Variants in RGS6 observed in about 807,000 individuals in gnomAD.
RGS6 encodes the protein regulator of G-protein signaling 6.
A neutral mutation model predicts 78.5 loss-of-function variants in RGS6; 30 were observed. The observed-to-expected ratio is 0.38, with a 90% CI of 0.29 to 0.52. RGS6 has a LOEUF of 0.52. Ranked by LOEUF, RGS6 falls within the 20% of genes least tolerant of loss-of-function variation. The pLI, the probability that RGS6 is intolerant of heterozygous loss-of-function variation, is 0.85. For synonymous variants in RGS6, 206 were observed against 206.0 expected, an observed-to-expected ratio of 1.00 and a Z score of 0.00; for missense variants, 495 against 609.7, an observed-to-expected ratio of 0.81 and a Z score of 1.98.
chr14:71,879,881 G>A, the RGS6 span, among the ~76,000 whole-genome samples: 3 of 152,230 alleles, frequency 2.0e-5, no homozygotes, highest in Admixed American at 1.3e-4. Context: ...TTGGAACTGG[G>A]TAACAGGCAG....
intron 2 of RGS6, among the ~76,000 whole-genome samples, chr14:72,331,088 G>A (rs1013446797): frequency 3.9e-5 from 6 of 152,090 alleles, no homozygotes; most frequent in African/African-American, 7.2e-5. Flanking sequence ...AGCAGATTCC[G>A]CCAGGATTCT....
intron 2 of RGS6, among the ~76,000 whole-genome samples, chr14:72,306,456 A>G (rs57060090): frequency 0.053 from 8,070 of 152,314 alleles, 635 homozygotes; most frequent in African/African-American, 0.18. Flanking sequence ...CCCATAGATA[A>G]GGATTCCTCT....
At chr14:72,617,068 C>A in the RGS6 span, among the ~76,000 whole-genome samples, 2,044 of 152,304 alleles carry the variant, frequency 0.013, 51 homozygotes, top group African/African-American at 0.046. Context: ...CAGTGCCCTG[C>A]CTTGGCCTGG....
At chr14:72,045,911 C>T (rs962913945) in intron 2 of RGS6, among the ~76,000 whole-genome samples, 1 of 151,986 alleles carries the variant, frequency 6.6e-6, no homozygotes, top group African/African-American at 2.4e-5. Flanking sequence ...CCCCACGCCC[C>T]CGCACCCCGC....
chr14:72,610,365 C>T, the RGS6 span, among the ~76,000 whole-genome samples: 1 of 152,316 alleles, frequency 6.6e-6, no homozygotes, highest in African/African-American at 2.4e-5. Context: ...ATAGGAGCCA[C>T]CTGCCAAAGC....
intron 2 of RGS6, among the ~76,000 whole-genome samples, chr14:71,979,913 A>T (rs1237427687): frequency 1.3e-4 from 18 of 141,708 alleles, no homozygotes; most frequent in African/African-American, 4.7e-4. Flanking sequence ...TTTGTAGGTC[A>T]CTCAGGACTT....
chr14:72,011,358 T>C (rs8017353), intron 2 of RGS6, among the ~76,000 whole-genome samples: 137,882 of 152,258 alleles, frequency 0.91, 62,661 homozygotes, highest in East Asian at 0.98. Context: ...AATTGTGGCC[T>C]CATGATGGCA....
At chr14:72,462,349 TAGA>T (rs976704216) in intron 6 of RGS6, among the ~76,000 whole-genome samples, 61 of 152,210 alleles carry the variant, frequency 4.0e-4, no homozygotes, top group African/African-American at 1.4e-3. Context: ...GGCAGTCAAG[TAGA>T]GACATTTAGA....
At chr14:71,998,793 G>A (rs183147639) in intron 2 of RGS6, among the ~76,000 whole-genome samples, 2 of 152,288 alleles carry the variant, frequency 1.3e-5, no homozygotes, top group Admixed American at 1.3e-4. Flanking sequence ...CTAGAGAAGG[G>A]GTCTTATTTT....
chr14:71,933,994 C>T (rs1047301797), intron 1 of RGS6, among the ~76,000 whole-genome samples: 3 of 152,150 alleles, frequency 2.0e-5, no homozygotes, highest in African/African-American at 4.8e-5. Flanking sequence ...GTTGACAACA[C>T]GGCTCTTACA....
chr14:72,550,306 C>T (rs1220857645), intron 17 of RGS6: 9 of 682,540 alleles, frequency 1.3e-5, no homozygotes, highest in Non-Finnish European at 2.4e-5. Flanking sequence ...CAGTTGGTGC[C>T]TAGGTATAAG....
intron 5 of RGS6, among the ~76,000 whole-genome samples, chr14:72,459,420 T>A (rs2095716819): frequency 6.6e-6 from 1 of 152,242 alleles, no homozygotes; most frequent in African/African-American, 2.4e-5. Context: ...CATTTTTGCA[T>A]TTGTTTTGCT....
chr14:72,474,576 A>C, intron 9 of RGS6, 49 bp from the exon 10 acceptor site: 1 of 1,523,894 alleles, frequency 6.6e-7, no homozygotes, highest in Non-Finnish European at 9.0e-7. Context: ...CTAAATTGGA[A>C]GTGTAATTTT....
At chr14:71,963,907 C>G (rs2093358043) in intron 1 of RGS6, among the ~76,000 whole-genome samples, 1 of 152,136 alleles carries the variant, frequency 6.6e-6, no homozygotes, top group South Asian at 2.1e-4. Flanking sequence ...TATGGTAATT[C>G]TGTGTTCAAC....
At chr14:72,482,056 C>G (rs184851974) in intron 12 of RGS6, among the ~76,000 whole-genome samples, 3 of 152,050 alleles carry the variant, frequency 2.0e-5, no homozygotes, top group Admixed American at 6.5e-5. Flanking sequence ...GTGATCCGCC[C>G]GCCTCGGCCT....
At chr14:72,385,896 G>T (rs150703643) in intron 3 of RGS6, among the ~76,000 whole-genome samples, 1 of 152,140 alleles carries the variant, frequency 6.6e-6, no homozygotes, top group African/African-American at 2.4e-5. Flanking sequence ...AGTCATGAAC[G>T]AGGGTGGAAG....
At chr14:71,935,190 G>T (rs1239925045) in intron 1 of RGS6, among the ~76,000 whole-genome samples, 2 of 152,162 alleles carry the variant, frequency 1.3e-5, no homozygotes, top group Non-Finnish European at 2.9e-5. Context: ...CAACTTTCGT[G>T]TTGAGTGATA....
intron 2 of RGS6, among the ~76,000 whole-genome samples, chr14:72,216,101 A>G (rs1299864194): frequency 6.6e-6 from 1 of 152,224 alleles, no homozygotes; most frequent in Non-Finnish European, 1.5e-5. Context: ...CACGACAAAC[A>G]GTATATGGAA....
chr14:72,394,260 A>C (rs1445412655), intron 3 of RGS6, among the ~76,000 whole-genome samples: 3 of 152,156 alleles, frequency 2.0e-5, no homozygotes, highest in Admixed American at 1.3e-4. Context: ...CTAAGCCACA[A>C]AACCAGCAGG....
Sources: allele counts gnomAD v4.1 joint callset (sites outside exome capture counted in the v4.1 genomes callset), GRCh38; gene constraint gnomAD v4.1.1; transcripts MANE v1.5; gene names NCBI Gene and HGNC (gene_info 2026-07-23, HGNC 2026-07-21).